The following TTC29 variants were observed in gnomAD, a reference collection of about 807,000 sequenced individuals.
The protein encoded by TTC29 is tetratricopeptide repeat protein 29.
TTC29 carries 49 observed loss-of-function variants against 58.1 expected under a neutral mutation model. The observed-to-expected ratio is 0.84, with a 90% CI of 0.67 to 1.07. TTC29 has a LOEUF of 1.07. Ranked by LOEUF, TTC29 falls within the 50% of genes least tolerant of loss-of-function variation. The pLI is 0.00. For missense variants in TTC29, 582 were observed against 555.6 expected, an observed-to-expected ratio of 1.05 and a Z score of -0.48; for synonymous variants, 209 against 196.8, an observed-to-expected ratio of 1.06 and a Z score of -0.52.
chr4:146,930,100 T>TATATATACAC (rs1553942372), intron 4 of TTC29, among the ~76,000 whole-genome samples: 26 of 129,498 alleles, frequency 2.0e-4, no homozygotes, highest in African/African-American at 7.1e-4. Context: ...TATATATATA[T>TATATATACAC]ATATATATAT....
chr4:146,738,120 G>A (rs546647543), intron 11 of TTC29, among the ~76,000 whole-genome samples: 11 of 152,140 alleles, frequency 7.2e-5, no homozygotes, highest in South Asian at 6.2e-4. Context: ...AGGCACTATC[G>A]GTCTAGTATT....
intron 11 of TTC29, among the ~76,000 whole-genome samples, chr4:146,801,701 G>C (rs999326470): frequency 2.1e-4 from 32 of 151,974 alleles, no homozygotes; most frequent in Admixed American, 2.0e-4. Context: ...AAAGAGCAAG[G>C]TGCAGTGGCT....
At chr4:146,806,461 C>CA (rs565464598) in intron 10 of TTC29, among the ~76,000 whole-genome samples, 45 of 152,252 alleles carry the variant, frequency 3.0e-4, no homozygotes, top group African/African-American at 1.0e-3. Context: ...ACTGAAGACC[C>CA]ATCGGTGTGC....
intron 9 of TTC29, 99 bp from the exon 10 acceptor site, chr4:146,820,347 G>A (rs1751733868): frequency 7.6e-7 from 1 of 1,309,202 alleles, no homozygotes; most frequent in South Asian, 1.5e-5. Flanking sequence ...AATGCAAGAT[G>A]GTTATCAGGA....
At chr4:146,890,644 A>G (rs774943577) in intron 6 of TTC29, among the ~76,000 whole-genome samples, 1 of 152,148 alleles carries the variant, frequency 6.6e-6, no homozygotes, top group Admixed American at 6.5e-5. Context: ...GCTTCATTTG[A>G]AAAAATGAAA....
chr4:146,936,613 G>A (rs1237577692), intron 4 of TTC29, among the ~76,000 whole-genome samples: 2 of 152,048 alleles, frequency 1.3e-5, no homozygotes, highest in Non-Finnish European at 1.5e-5. Flanking sequence ...TACAGCTACT[G>A]TAAAATTTTG....
chr4:146,813,577 T>G (rs184761359), intron 10 of TTC29, among the ~76,000 whole-genome samples: 1 of 152,290 alleles, frequency 6.6e-6, no homozygotes, highest in Non-Finnish European at 1.5e-5. Flanking sequence ...TTCTTGAAAA[T>G]TGTTAAGAAT....
At chr4:146,816,582 G>A (rs1344059033) in intron 10 of TTC29, among the ~76,000 whole-genome samples, 1 of 151,990 alleles carries the variant, frequency 6.6e-6, no homozygotes, top group African/African-American at 2.4e-5. Flanking sequence ...GAGGAGGGAC[G>A]AGAAGGAAGG....
intron 11 of TTC29, among the ~76,000 whole-genome samples, chr4:146,716,366 T>C (rs1279027765): frequency 1.3e-5 from 2 of 152,192 alleles, no homozygotes. Context: ...TCTGTATTCA[T>C]GTTCTTTTCA....
At chr4:146,903,472 C>A (rs534402894) in intron 6 of TTC29, 72 bp downstream of exon 6, 3 of 1,343,222 alleles carry the variant, frequency 2.2e-6, no homozygotes, top group Non-Finnish European at 3.0e-6. Context: ...TCGACCACCA[C>A]GTGTTTTTCC....
intron 9 of TTC29, among the ~76,000 whole-genome samples, chr4:146,833,575 GAAAACCAA>G (rs1561170684): frequency 6.6e-6 from 1 of 152,064 alleles, no homozygotes; most frequent in Non-Finnish European, 1.5e-5. Context: ...TAAACTTACA[GAAAACCAA>G]AAAGAAAATA....
chr4:146,920,990 T>C (rs940654035), intron 4 of TTC29, among the ~76,000 whole-genome samples: 4 of 151,338 alleles, frequency 2.6e-5, no homozygotes, highest in African/African-American at 9.7e-5. Flanking sequence ...TATCTAAAAA[T>C]AAAATTAGAA....
chr4:146,748,111 G>A (rs986624810), intron 11 of TTC29, among the ~76,000 whole-genome samples: 2 of 152,188 alleles, frequency 1.3e-5, no homozygotes, highest in Non-Finnish European at 2.9e-5. Context: ...TGAAGCTCGA[G>A]CTGCCAGAGT....
chr4:146,855,472 G>A (rs115106713), intron 8 of TTC29, among the ~76,000 whole-genome samples: 8,513 of 152,106 alleles, frequency 0.056, 372 homozygotes, highest in Non-Finnish European at 0.088. Context: ...GAGGACAGTC[G>A]TGGGAAAAAA....
intron 8 of TTC29, among the ~76,000 whole-genome samples, chr4:146,864,786 G>A (rs530226567): frequency 3.0e-4 from 45 of 151,794 alleles, no homozygotes; most frequent in Non-Finnish European, 3.4e-4. Context: ...CAAATCTTCC[G>A]CCTTTTTCTT....
intron 11 of TTC29, among the ~76,000 whole-genome samples, chr4:146,730,346 G>A (rs1744233130): frequency 6.6e-6 from 1 of 152,110 alleles, no homozygotes. Flanking sequence ...AGTCTGAGGT[G>A]TCTATTAACT....
At chr4:146,902,596 T>C (rs1733225738) in intron 6 of TTC29, among the ~76,000 whole-genome samples, 1 of 152,152 alleles carries the variant, frequency 6.6e-6, no homozygotes, top group Non-Finnish European at 1.5e-5. Flanking sequence ...CAAGCCTAAA[T>C]TCCACCCATC....
chr4:146,737,798 T>C (rs916770621), intron 11 of TTC29, among the ~76,000 whole-genome samples: 6 of 152,218 alleles, frequency 3.9e-5, no homozygotes, highest in Admixed American at 1.3e-4. Flanking sequence ...GGCAGAGATA[T>C]AGTTTTTCTT....
chr4:146,751,801 GA>G (rs1370647418), intron 11 of TTC29, among the ~76,000 whole-genome samples: 4 of 151,972 alleles, frequency 2.6e-5, no homozygotes, highest in Non-Finnish European at 5.9e-5. Context: ...ACTAGAAAAA[GA>G]AGAACTAAAC....
Sources: allele counts gnomAD v4.1 joint callset (sites outside exome capture counted in the v4.1 genomes callset), GRCh38; gene constraint gnomAD v4.1.1; transcripts MANE v1.5; gene names NCBI Gene and HGNC (gene_info 2026-07-23, HGNC 2026-07-21).